The following EPN1 variants were observed in gnomAD, a reference collection of about 807,000 sequenced individuals.
The protein encoded by EPN1 is epsin-1.
EPN1 carries 25 observed loss-of-function variants against 56.9 expected under a neutral mutation model. That is an observed-to-expected ratio of 0.44 (90% confidence interval 0.32 to 0.61). The LOEUF is 0.61. Among genes scored for constraint, EPN1 ranks in the 20% least tolerant of loss-of-function variants. The pLI is 0.05. For missense variants in EPN1, 785 were observed against 823.7 expected, an observed-to-expected ratio of 0.95 and a Z score of 0.58; for synonymous variants, 411 against 361.8, an observed-to-expected ratio of 1.14 and a Z score of -1.54.
chr19:55,682,445 A>AAG (rs567481335), intron 2 of EPN1, among the ~76,000 whole-genome samples: 26,888 of 151,404 alleles, frequency 0.18, 3,630 homozygotes, highest in African/African-American at 0.37. Context: ...TATTTTGAGA[A>AAG]AGTCTCACTG....
Position 55,707,739 on chromosome 19 carries a change from C to T in EPN1, c.*12383C>T, listed in dbSNP as rs1987497642. ...TCAAATGAGGCCCACACACAAGATT[C>T]TCACCCACATGGCCGTGGCAAACTC... On this transcript the variant is annotated 3_prime_UTR_variant, in exon 11 of 11. Transcript: ENST00000270460. 6.5e-6 allele frequency: 1 copy of T among 154,546 alleles called. No individual in the cohort carries two copies. The highest frequency in any genetic ancestry group is 1.5e-5 in the Non-Finnish European group (1 of 68,260). The allele number at this position is 154,546 out of a possible 1,614,324, so 9.6% of individuals were successfully genotyped here. A position where few individuals can be genotyped will look rare whatever the true frequency, so the allele number is the denominator to read the frequency against.
chr19:55,676,139 G>A (rs750951982), intron 1 of EPN1, among the ~76,000 whole-genome samples: 4 of 152,188 alleles, frequency 2.6e-5, no homozygotes, highest in Admixed American at 6.5e-5. Context: ...ACATCATAGG[G>A]TCCTTGTGCA....
chr19:55,677,123 A>G, intron 1 of EPN1: 1 of 1,550,316 alleles, frequency 6.5e-7, no homozygotes, highest in Non-Finnish European at 8.7e-7. Context: ...GGCTTACATC[A>G]TGGCGGGGCT....
At chr19:55,693,407 C>A in intron 9 of EPN1, 1 of 167,998 alleles carries the variant, frequency 6.0e-6, no homozygotes, top group Non-Finnish European at 1.3e-5. Context: ...GTTTGGAAGG[C>A]AGCCGAGGCT....
At chr19:55,684,308 G>A (rs1449230373) in intron 2 of EPN1, among the ~76,000 whole-genome samples, 2 of 152,060 alleles carry the variant, frequency 1.3e-5, no homozygotes, top group Non-Finnish European at 2.9e-5. Flanking sequence ...CTGTGGCTCT[G>A]TGAAGGCCCT....
chr19:55,691,854 C>T lies in EPN1; in HGVS notation c.863C>T (p.Thr288Met), dbSNP rs201350777. 58 of 1,605,086 alleles carry T rather than the reference C, an allele frequency of 3.6e-5. No individual in the cohort carries two copies. The highest frequency in any genetic ancestry group is 2.0e-4 in the South Asian group (18 of 90,606). ...GCACCCATGGCTGCTGCCGTCCCCA[C>T]GGCTGCCCCCACCTCGGACCCCTGG... is the stretch of plus-strand genomic sequence containing the variant. ...GPAPMAAAVPTAAPTSDPWGG... is the reference protein window; with the variant it reads ...GPAPMAAAVPMAAPTSDPWGG... The change falls in exon 7 of 11, where the codon ACG (threonine) becomes ATG (methionine). Residue 288 changes from threonine (T) to methionine (M), a missense_variant. By Grantham distance (81) the Thr-to-Met change is moderately conservative (BLOSUM62 -1). Around this residue, in one of 2 missense-constraint regions of EPN1, gnomAD observed 650 missense variants for 605.0 expected, o/e 1.07. Coordinates refer to ENST00000270460, the MANE Select transcript of EPN1 (RefSeq NM_001130072.2). The surrounding 1 kb of genome is among the most constrained non-coding windows in gnomAD (Gnocchi z 5.6).
chr19:55,678,788 C>G lies in EPN1; in HGVS notation c.161C>G (p.Ser54Trp), dbSNP rs1985607745. The change falls in exon 2 of 11, where the codon TCG becomes TGG. Residue 54 changes from serine to tryptophan, a missense_variant. Coordinates refer to ENST00000270460, the MANE Select transcript of EPN1 (RefSeq NM_001130072.2). ...ADLTYNVVAF[S>W]EIMSMIWKRL... ...CTCACCTACAACGTTGTCGCCTTCT[C>G]GGAGATCATGAGCATGATCTGGAAG... The G allele has an allele frequency of 1.2e-6, 2 of 1,614,030 alleles. No homozygotes were observed. Among genetic ancestry groups the G allele is most frequent in the Non-Finnish European group, 8.5e-7 (1 of 1,180,032 alleles).
Position 55,694,610 on chromosome 19 carries a change from C to A in EPN1, c.1265-116C>A. The A allele has an allele frequency of 7.7e-7, 1 of 1,299,666 alleles. No individual in the cohort carries two copies. The highest frequency in any genetic ancestry group is 2.6e-5 in the East Asian group (1 of 38,924). The allele number at this position is 1,299,666 out of a possible 1,614,324, so 80.5% of individuals were successfully genotyped here. ...GCTCTGCACCTCAGTTCCTCCTTCC[C>A]GAGGCCTCTGGGCACCGGGCTCTTT... is the stretch of plus-strand genomic sequence containing the variant. On this transcript the variant is annotated intron_variant, in intron 9 of 10. Coordinates refer to ENST00000270460, the MANE Select transcript of EPN1 (RefSeq NM_001130072.2). This position sits in a 1 kb window ranked among gnomAD's most constrained non-coding sequence, Gnocchi z 4.2.
chr19:55,682,609 T>C (rs76618181), intron 2 of EPN1, among the ~76,000 whole-genome samples: 362 of 152,082 alleles, frequency 2.4e-3, no homozygotes, highest in African/African-American at 8.5e-3. Context: ...TATTTATTTA[T>C]TTTTTTAGAG....
In EPN1 at chr19:55,701,947, C is replaced by G. The variant is rs1295909754; in HGVS notation, c.*6591C>G. On this transcript the variant is annotated 3_prime_UTR_variant, in exon 11 of 11. Coordinates refer to ENST00000270460, the MANE Select transcript of EPN1 (RefSeq NM_001130072.2). ...TGCATCGAGCAGAGTCTCTAGCAGCCCCCACCCCATTCTTTTTTTTTTTTT... is the reference window on the plus strand; with the variant it reads ...TGCATCGAGCAGAGTCTCTAGCAGCGCCCACCCCATTCTTTTTTTTTTTTT... The G allele has an allele frequency of 6.7e-6, 1 of 149,134 alleles. No homozygotes were observed. Among genetic ancestry groups the G allele is most frequent in the Non-Finnish European group, 1.5e-5 (1 of 68,812 alleles). The allele number at this position is 149,134 out of a possible 1,614,324, so 9.2% of individuals were successfully genotyped here. A position where few individuals can be genotyped will look rare whatever the true frequency, so the allele number is the denominator to read the frequency against.
rs1985485507 is a variant in EPN1 at position 55,677,082 on chromosome 19, C to T, written c.-101-1445C>T. Reference sequence around the variant, plus strand: ...TCTGGCCTGAGGTGGAAGCAGAGGCCAGCCTCTCTCCGTCATCCCTATCTC... The same window carrying T: ...TCTGGCCTGAGGTGGAAGCAGAGGCTAGCCTCTCTCCGTCATCCCTATCTC... On this transcript the variant is annotated intron_variant, in intron 1 of 10. Transcript: ENST00000270460. The T allele has an allele frequency of 1.6e-5, 25 of 1,533,170 alleles. No homozygotes were observed. The South Asian group carries it at 3.0e-4, about 18-fold the overall frequency. The allele number at this position is 1,533,170 out of a possible 1,614,324, so 95.0% of individuals were successfully genotyped here.
At chr19:55,681,861 C>T (rs770563804) in intron 2 of EPN1, among the ~76,000 whole-genome samples, 2 of 151,784 alleles carry the variant, frequency 1.3e-5, no homozygotes, top group Non-Finnish European at 2.9e-5. Flanking sequence ...AGGCTGGAAT[C>T]CAGCAGTACA....
chr19:55,684,992 C>T (rs1986066970), intron 2 of EPN1, among the ~76,000 whole-genome samples: 1 of 152,230 alleles, frequency 6.6e-6, no homozygotes, highest in Non-Finnish European at 1.5e-5. Flanking sequence ...CTGTCCAGCT[C>T]CAGAACGTCT....
At chr19:55,685,675 C>T (rs534594627) in intron 3 of EPN1, 30 bp downstream of exon 3, 2 of 1,569,614 alleles carry the variant, frequency 1.3e-6, no homozygotes, top group South Asian at 2.3e-5. Flanking sequence ...CCCTGACGGC[C>T]TAGAGTCTGT....
Position 55,685,470 on chromosome 19 carries a change from C to T in EPN1, c.303C>T (p.Tyr101=), listed in dbSNP as rs373390179. 24 of 1,611,730 alleles carry T rather than the reference C, an allele frequency of 1.5e-5. No homozygotes were observed. Among genetic ancestry groups the T allele is most frequent in the African/African-American group, 6.7e-5 (5 of 74,890 alleles). ...CGCAGCAGTGCAAGGAGAACATGTA[C>T]GCCGTGCAGACGCTGAAGGACTTCC... ...RVSQQCKENM[Y]AVQTLKDFQY... Residue 101 remains tyrosine (Y), a synonymous_variant, in exon 3 of 11, where the codon TAC becomes TAT. Coordinates refer to ENST00000270460, the MANE Select transcript of EPN1 (RefSeq NM_001130072.2).
chr19:55,681,950 A>T (rs1324374636), intron 2 of EPN1, among the ~76,000 whole-genome samples: 1 of 152,058 alleles, frequency 6.6e-6, no homozygotes, highest in African/African-American at 2.4e-5. Context: ...ACACACCACC[A>T]TGCCCGGCTA....
At chr19:55,687,591 CAG>C (rs1166983883) in intron 3 of EPN1, among the ~76,000 whole-genome samples, 6 of 152,028 alleles carry the variant, frequency 3.9e-5, no homozygotes, top group Non-Finnish European at 5.9e-5. Flanking sequence ...GAGGAAGTCA[CAG>C]GGGCAGGGAA....
intron 1 of EPN1, chr19:55,677,405 CTT>C (rs1167713288): frequency 3.0e-6 from 2 of 656,426 alleles, no homozygotes; most frequent in African/African-American, 1.8e-5. Flanking sequence ...GCTTGACTCT[CTT>C]GTTTCTCGTC....
chr19:55,681,779 G>T (rs183152917), intron 2 of EPN1, among the ~76,000 whole-genome samples: 8 of 152,114 alleles, frequency 5.3e-5, no homozygotes, highest in South Asian at 4.2e-4. Context: ...AAGCAAAGGA[G>T]AAATAATGAC....
Sources: allele counts gnomAD v4.1 joint callset (sites outside exome capture counted in the v4.1 genomes callset), GRCh38; gene constraint gnomAD v4.1.1; regional missense constraint gnomAD v4.1.1; non-coding constraint Gnocchi (gnomAD v3.1); transcripts MANE v1.5; gene names NCBI Gene and HGNC (gene_info 2026-07-23, HGNC 2026-07-21).